COA1: variants seen among roughly 807,000 people sequenced by gnomAD.
The protein encoded by COA1 is cytochrome c oxidase assembly factor 1 homolog.
In COA1, 13 loss-of-function variants were observed where a neutral mutation model predicts 16.0. The ratio of observed to expected loss-of-function variants is 0.81; its 90% CI spans 0.53 to 1.29. The LOEUF is 1.29. COA1 is among the 50% of genes most tolerant of loss of function. COA1 has a pLI of 0.00. For synonymous variants in COA1, 65 were observed against 65.7 expected (o/e 0.99, Z 0.05); for missense variants, 179 against 177.0 (o/e 1.01, Z -0.06).
At chr7:43,627,176 T>C (rs2084649216) in intron 6 of COA1, among the ~76,000 whole-genome samples, 1 of 152,262 alleles carries the variant, frequency 6.6e-6, no homozygotes, top group Non-Finnish European at 1.5e-5. Flanking sequence ...ATGAAATGTA[T>C]AAAATGTATA....
intron 1 of COA1, among the ~76,000 whole-genome samples, chr7:43,671,828 C>T (rs972247940): frequency 1.3e-5 from 2 of 152,002 alleles, no homozygotes; most frequent in African/African-American, 2.4e-5. Flanking sequence ...GTTTTATAAG[C>T]GTCTGCCATT....
intron 2 of COA1, chr7:43,648,374 T>G: frequency 4.8e-6 from 3 of 619,496 alleles, no homozygotes; most frequent in South Asian, 1.9e-5. Context: ...TATGGAGAGG[T>G]TCCCAGAGTG....
intron 6 of COA1, among the ~76,000 whole-genome samples, chr7:43,614,373 A>G (rs1313369449): frequency 6.6e-6 from 1 of 152,204 alleles, no homozygotes; most frequent in Non-Finnish European, 1.5e-5. Flanking sequence ...TTTAAATAGA[A>G]CTAGATTTTG....
At chr7:43,706,196 CA>C (rs2094965886) in intron 1 of COA1, among the ~76,000 whole-genome samples, 3 of 151,676 alleles carry the variant, frequency 2.0e-5, no homozygotes, top group Non-Finnish European at 2.9e-5. Flanking sequence ...CTCTTTTACA[CA>C]AATACTTAGA....
At chr7:43,686,796 T>C (rs2094055210) in intron 1 of COA1, among the ~76,000 whole-genome samples, 1 of 152,212 alleles carries the variant, frequency 6.6e-6, no homozygotes, top group Non-Finnish European at 1.5e-5. Context: ...CATGCTTGCC[T>C]TTGTTTTCAA....
intron 1 of COA1, among the ~76,000 whole-genome samples, chr7:43,691,067 A>C (rs2094259828): frequency 2.2e-5 from 3 of 136,480 alleles, no homozygotes; most frequent in Admixed American, 7.4e-5. Flanking sequence ...AAAAAAAAAA[A>C]AAAAAAAAAA....
chr7:43,619,849 C>G, intron 6 of COA1: 1 of 1,271,726 alleles, frequency 7.9e-7, no homozygotes. Context: ...CATCAGAGAT[C>G]TATTCCTTTG....
Position 43,630,868 on chromosome 7 carries a change from A to G in COA1, c.*133+8581T>C, listed in dbSNP as rs563527076. Among the ~76,000 whole-genome samples the G allele has an allele frequency of 3.3e-5, 5 of 152,210 alleles. No individual in the cohort carries two copies. The East Asian group carries it at 9.6e-4, about 29-fold the overall frequency. ...CATTTTACCAGTTAGAGTGAAATGT[A>G]GAAAACTCTCTTGCCCGTCCCCTCC... On this transcript the variant is annotated intron_variant and NMD_transcript_variant, in intron 6 of 6. Transcript: ENST00000415076.
intron 4 of COA1, among the ~76,000 whole-genome samples, chr7:43,643,088 C>T (rs1023416355): frequency 6.6e-6 from 1 of 152,202 alleles, no homozygotes; most frequent in Admixed American, 6.5e-5. Context: ...GAAGCCAGAA[C>T]CTAGCACCAC....
chr7:43,661,653 G>C (rs1217438139), intron 1 of COA1, among the ~76,000 whole-genome samples: 1 of 136,094 alleles, frequency 7.3e-6, no homozygotes, highest in African/African-American at 2.5e-5. Context: ...AAAAAAAAGA[G>C]ACATTTCCAG....
intron 1 of COA1, among the ~76,000 whole-genome samples, chr7:43,700,900 C>G (rs940410983): frequency 6.6e-6 from 1 of 152,064 alleles, no homozygotes; most frequent in Non-Finnish European, 1.5e-5. Context: ...ATGCCATAAA[C>G]AAAGCATTTT....
intron 1 of COA1, among the ~76,000 whole-genome samples, chr7:43,681,169 G>C (rs923456483): frequency 6.6e-6 from 1 of 152,002 alleles, no homozygotes. Context: ...AAATACTATA[G>C]GATTGACCCA....
chr7:43,624,843 G>A (rs1183066998), intron 6 of COA1: 1 of 1,589,310 alleles, frequency 6.3e-7, no homozygotes, highest in African/African-American at 1.4e-5. Flanking sequence ...TATCTACTGA[G>A]CAATATTTCC....
At chr7:43,648,764 G>A (rs1014703815) in intron 1 of COA1, 112 bp from the exon 2 acceptor site, 2 of 744,648 alleles carry the variant, frequency 2.7e-6, no homozygotes, top group Non-Finnish European at 4.3e-6. Flanking sequence ...CGAACAAGAA[G>A]TTAAAATTAA....
chr7:43,656,608 T>C (rs2091744441), intron 1 of COA1, among the ~76,000 whole-genome samples: 1 of 152,070 alleles, frequency 6.6e-6, no homozygotes, highest in African/African-American at 2.4e-5. Context: ...GCAGGAGAAA[T>C]CACTTGAACC....
intron 6 of COA1, among the ~76,000 whole-genome samples, chr7:43,621,509 A>T (rs2083884460): frequency 6.6e-6 from 1 of 152,068 alleles, no homozygotes; most frequent in Non-Finnish European, 1.5e-5. Context: ...AGAGAGTCTC[A>T]CTCTGCCACC....
intron 1 of COA1, among the ~76,000 whole-genome samples, chr7:43,700,919 T>G (rs569946323): frequency 6.6e-6 from 1 of 152,112 alleles, no homozygotes; most frequent in Admixed American, 6.5e-5. Context: ...TTGCCAACAG[T>G]AGTAATAAGC....
intron 6 of COA1, among the ~76,000 whole-genome samples, chr7:43,630,504 G>T (rs1244096749): frequency 6.6e-6 from 1 of 152,058 alleles, no homozygotes; most frequent in African/African-American, 2.4e-5. Flanking sequence ...TAAAGTATTT[G>T]GGAAGAGATA....
chr7:43,639,915 G>C (rs1437350545), intron 5 of COA1, among the ~76,000 whole-genome samples: 1 of 152,206 alleles, frequency 6.6e-6, no homozygotes, highest in Non-Finnish European at 1.5e-5. Context: ...GCGAATGGAA[G>C]GGACATCAGG....
Sources: allele counts gnomAD v4.1 joint callset (sites outside exome capture counted in the v4.1 genomes callset), GRCh38; gene constraint gnomAD v4.1.1; transcripts MANE v1.5; gene names NCBI Gene and HGNC (gene_info 2026-07-23, HGNC 2026-07-21).